The following A2M variants were observed in gnomAD, a reference collection of about 807,000 sequenced individuals.
The protein encoded by A2M is alpha-2-macroglobulin.
A neutral mutation model predicts 183.9 loss-of-function variants in A2M; 128 were observed. The observed-to-expected ratio is 0.70, with a 90% CI of 0.60 to 0.81. The LOEUF (loss-of-function observed/expected upper bound fraction) is 0.81, where lower values mean the gene tolerates loss of function less well. A2M is among the 30% of genes least tolerant of loss of function. The probability of loss-of-function intolerance (pLI) is 0.00; values close to 1 mark genes in which losing one functional copy is unlikely to be tolerated. For missense variants in A2M, 1,495 were observed against 1,787.6 expected (o/e 0.84, Z 2.95); for synonymous variants, 592 against 670.8 (o/e 0.88, Z 1.81).
chr12:9,086,440 T>C (rs1202138639), intron 22 of A2M, among the ~76,000 whole-genome samples: 1 of 152,216 alleles, frequency 6.6e-6, no homozygotes, highest in Non-Finnish European at 1.5e-5. Flanking sequence ...AAGGATCATC[T>C]ACCTAGTCAA....
intron 33 of A2M, 99 bp from the exon 34 acceptor site, chr12:9,068,941 T>C: frequency 1.3e-6 from 1 of 775,490 alleles, no homozygotes; most frequent in Non-Finnish European, 2.1e-6. Context: ...AAAGCTTTAT[T>C]ATCCTACAGC....
In A2M at chr12:9,072,469, A is replaced by G. The variant is rs750400079; in HGVS notation, c.3993T>C (p.Asn1331=). The G allele has an allele frequency of 1.9e-6, 3 of 1,611,920 alleles. No homozygotes were observed. The highest frequency in any genetic ancestry group is 4.5e-5 in the East Asian group (2 of 44,888). The change falls in exon 31 of 36, where the codon AAT becomes AAC. Residue 1331 remains asparagine, a synonymous_variant. Coordinates refer to ENST00000318602, the MANE Select transcript of A2M (RefSeq NM_000014.6). ...GGAACTCTTCCTTTTCTGGGAGAAT[A>G]TTGTATTTCAAGGATGTCTATAGAA... ...CVYLQTSLKY[N]ILPEKEEFPF...
chr12:9,091,060 G>T, intron 19 of A2M, 141 bp downstream of exon 19: 1 of 1,092,658 alleles, frequency 9.2e-7, no homozygotes, highest in Non-Finnish European at 1.3e-6. Flanking sequence ...GGTATTTGGA[G>T]ATCTCAAAAC....
chr12:9,095,659 A>C lies in A2M; in HGVS notation c.1893T>G (p.Pro631=). ...LLPEKDLTGF[P]GPLNDQDNED... ...CATTGTCCTGGTCATTCAAAGGCCC[A>C]GGGAAGCCAGTGAGGTCCTTTTCTG... Residue 631 remains proline (P), a synonymous_variant, in exon 16 of 36, where the codon CCT becomes CCG. Transcript: ENST00000318602. The C allele has an allele frequency of 2.5e-6, 4 of 1,608,904 alleles. 1 individual carries two copies. In the South Asian group the frequency reaches 4.4e-5, roughly 18 times the overall value.
intron 1 of A2M, among the ~76,000 whole-genome samples, chr12:9,114,004 A>T (rs139000886): frequency 8.8e-4 from 134 of 152,302 alleles, no homozygotes; most frequent in African/African-American, 2.6e-3. Context: ...GCCCTGTGAA[A>T]ATTGTATGGT....
rs1217001505 is a variant in A2M, at chr12:9,079,312, G to T, written c.3051C>A (p.Asn1017Lys). 1 of 1,613,636 alleles carries T rather than the reference G, an allele frequency of 6.2e-7. No homozygotes were observed. Among genetic ancestry groups the T allele is most frequent in the Non-Finnish European group, 8.5e-7 (1 of 1,179,760 alleles). The change falls in exon 25 of 36, where the codon AAC becomes AAA. Residue 1017 changes from asparagine (N) to lysine (K), a missense_variant. Asn to Lys is a moderately conservative substitution (Grantham distance 94, BLOSUM62 0). Coordinates refer to ENST00000318602, the MANE Select transcript of A2M (RefSeq NM_000014.6). ...TGTAGGAGCCATCATAGTGTTTGTA[G>T]TTCAACTGTCTCTGGTAACCTGGAA... ...YLNTGYQRQL[N>K]YKHYDGSYST...
Position 9,068,238 on chromosome 12 carries a change from A to G in A2M, c.4367-14T>C. On this transcript the variant is annotated splice_polypyrimidine_tract_variant and intron_variant, in intron 34 of 35. Coordinates refer to ENST00000318602, the MANE Select transcript of A2M (RefSeq NM_000014.6). ...TTGCAAACTCATCTGAAAAAAAAAA[A>G]ACCAACAAAAAACCAGAAATCATTA... is the stretch of plus-strand genomic sequence containing the variant. 6.2e-7 allele frequency: 1 copy of G among 1,604,964 alleles called. No homozygotes were observed.
At chr12:9,095,899 A>G (rs2137832742) in intron 15 of A2M, among the ~76,000 whole-genome samples, 199 bp from the exon 16 acceptor site, 1 of 151,348 alleles carries the variant, frequency 6.6e-6, no homozygotes, top group East Asian at 1.9e-4. Context: ...AGCTGGGACT[A>G]CAGGCGCCCG....
intron 5 of A2M, 29 bp from the exon 6 acceptor site, chr12:9,110,064 A>C (rs748890628): frequency 5.0e-6 from 8 of 1,585,800 alleles, no homozygotes; most frequent in Non-Finnish European, 3.4e-6. Flanking sequence ...TATAACTTAC[A>C]AAAGCACCTG....
chr12:9,105,406 T>G (rs1199367759), intron 10 of A2M, among the ~76,000 whole-genome samples: 4 of 152,238 alleles, frequency 2.6e-5, no homozygotes, highest in Non-Finnish European at 5.9e-5. Flanking sequence ...TTTTAGGAAG[T>G]TGAATACATT....
At chr12:9,071,693 G>A (rs939251400) in intron 31 of A2M, among the ~76,000 whole-genome samples, 1 of 152,126 alleles carries the variant, frequency 6.6e-6, no homozygotes, top group Admixed American at 6.5e-5. Context: ...AACATGCAGT[G>A]TTTGGTTTTC....
chr12:9,093,827 G>A (rs974175500), intron 17 of A2M, among the ~76,000 whole-genome samples: 3 of 146,974 alleles, frequency 2.0e-5, no homozygotes, highest in African/African-American at 2.7e-5. Flanking sequence ...TTGAGAGGCC[G>A]AGGCCGAGAC....
At chr12:9,086,218 T>C (rs919043503) in intron 22 of A2M, among the ~76,000 whole-genome samples, 3 of 152,178 alleles carry the variant, frequency 2.0e-5, no homozygotes, top group Admixed American at 1.3e-4. Flanking sequence ...ATATTCTTGA[T>C]GAATATAGAT....
intron 2 of A2M, among the ~76,000 whole-genome samples, chr12:9,113,000 G>C (rs934467575): frequency 6.6e-6 from 1 of 152,104 alleles, no homozygotes; most frequent in Non-Finnish European, 1.5e-5. Context: ...AAGTAGTGTG[G>C]AGTGATGTGT....
chr12:9,101,398 A>G, intron 12 of A2M, 49 bp downstream of exon 12: 1 of 1,492,254 alleles, frequency 6.7e-7, no homozygotes, highest in South Asian at 1.2e-5. Flanking sequence ...CTTGCTCCAC[A>G]GAGAGCTTTT....
chr12:9,110,000 ACT>A lies in A2M; in HGVS notation c.538_539del (p.Ser180PhefsTer50), dbSNP rs1359906868. On this transcript the variant is annotated frameshift_variant, in exon 6 of 36. Transcript: ENST00000318602. LOFTEE classifies it high-confidence loss of function. ...PKGNRIAQWQ[S>X]FQLEGGLKQF... ...GCTTGAGGCCACCCTCTAACTGGAA[ACT>A]CTGCCATTGTGCGATGCGATTTCCT... 2.5e-6 allele frequency: 4 copies of A among 1,613,384 alleles called. No individual in the cohort carries two copies. Among genetic ancestry groups the A allele is most frequent in the Non-Finnish European group, 3.4e-6 (4 of 1,179,668 alleles).
chr12:9,106,372 T>G, intron 9 of A2M, 27 bp from the exon 10 acceptor site: 1 of 1,539,690 alleles, frequency 6.5e-7, no homozygotes, highest in South Asian at 1.1e-5. Context: ...AAATCTGTTA[T>G]TTTTGGGAAG....
intron 1 of A2M, among the ~76,000 whole-genome samples, chr12:9,114,459 C>T (rs1264179677): frequency 3.9e-5 from 6 of 151,974 alleles, no homozygotes; most frequent in Admixed American, 3.9e-4. Context: ...ACAATTTTCT[C>T]ATGAATAATA....
intron 18 of A2M, among the ~76,000 whole-genome samples, chr12:9,092,719 T>C (rs1021426589): frequency 3.9e-5 from 6 of 152,142 alleles, no homozygotes; most frequent in African/African-American, 1.4e-4. Context: ...CTCAAAAATT[T>C]TAAAATGGAA....
Sources: gnomAD v4.1 joint callset for allele counts (sites outside exome capture counted in the v4.1 genomes callset) on GRCh38, gnomAD v4.1.1 for gene constraint, MANE v1.5 for transcripts, NCBI Gene and HGNC (gene_info 2026-07-23, HGNC 2026-07-21) for gene names.